LIMA1: variants seen among roughly 807,000 people sequenced by gnomAD.
The protein encoded by LIMA1 is LIM domain and actin binding 1.
Under a neutral mutation model 62.6 loss-of-function variants are expected in LIMA1, and 52 were observed. The observed-to-expected ratio is 0.83, with a 90% CI of 0.67 to 1.05. LIMA1 has a LOEUF of 1.05. LIMA1 is among the 50% of genes least tolerant of loss of function. The pLI is 0.00. For synonymous variants in LIMA1, 302 were observed against 317.8 expected, an observed-to-expected ratio of 0.95 and a Z score of 0.53; for missense variants, 780 against 902.2, an observed-to-expected ratio of 0.86 and a Z score of 1.74.
At chr12:50,240,510 T>C (rs1189364514) in intron 2 of LIMA1, among the ~76,000 whole-genome samples, 1 of 152,060 alleles carries the variant, frequency 6.6e-6, no homozygotes, top group Non-Finnish European at 1.5e-5. Context: ...ATTTGAGATA[T>C]ATTTCGAGAA....
intron 4 of LIMA1, among the ~76,000 whole-genome samples, 157 bp downstream of exon 4, chr12:50,221,864 T>C (rs1000698958): frequency 6.6e-6 from 1 of 152,252 alleles, no homozygotes; most frequent in Non-Finnish European, 1.5e-5. Context: ...TTAGCATCTA[T>C]GTAAATAATG....
intron 2 of LIMA1, 52 bp downstream of exon 2, chr12:50,248,581 G>A: frequency 1.8e-6 from 2 of 1,082,450 alleles, no homozygotes; most frequent in Non-Finnish European, 2.8e-6. Flanking sequence ...CCTGACAGGT[G>A]GCAATGTGTG....
At chr12:50,186,453 T>C (rs1174946413) in intron 9 of LIMA1, 5 of 152,630 alleles carry the variant, frequency 3.3e-5, no homozygotes, top group African/African-American at 1.2e-4. Context: ...TGCTAACTGG[T>C]GGTTTGACTC....
At chr12:50,225,801 C>T (rs1485481099) in intron 3 of LIMA1, among the ~76,000 whole-genome samples, 1 of 152,160 alleles carries the variant, frequency 6.6e-6, no homozygotes, top group Non-Finnish European at 1.5e-5. Context: ...GCCTTGGCCT[C>T]CCAAAGTGCT....
intron 4 of LIMA1, among the ~76,000 whole-genome samples, chr12:50,215,091 G>T (rs2138527720): frequency 6.6e-6 from 1 of 152,264 alleles, no homozygotes; most frequent in East Asian, 1.9e-4. Context: ...ATAAGTACCT[G>T]ATGAACAGAG....
chr12:50,180,523 G>A (rs943241240), intron 10 of LIMA1, among the ~76,000 whole-genome samples: 16 of 152,110 alleles, frequency 1.1e-4, no homozygotes, highest in African/African-American at 3.9e-4. Context: ...GGCTAGTCTT[G>A]AACTTCTGGC....
At chr12:50,206,216 A>C in intron 4 of LIMA1, 148 bp from the exon 5 acceptor site, 1 of 560,678 alleles carries the variant, frequency 1.8e-6, no homozygotes, top group Non-Finnish European at 3.0e-6. Flanking sequence ...TACAAATATC[A>C]AGCACTACAC....
chr12:50,224,013 G>T (rs773290578), intron 3 of LIMA1, among the ~76,000 whole-genome samples: 2 of 151,958 alleles, frequency 1.3e-5, no homozygotes, highest in African/African-American at 4.8e-5. Context: ...ACTCCAGTCC[G>T]GGTGACAGAG....
chr12:50,223,425 GTGAGCCAAGA>G (rs1433618217), intron 3 of LIMA1, among the ~76,000 whole-genome samples: 3 of 151,322 alleles, frequency 2.0e-5, no homozygotes, highest in African/African-American at 7.3e-5. Context: ...GGAGGTTGCA[GTGAGCCAAGA>G]CTGCGCCACT....
intron 4 of LIMA1, among the ~76,000 whole-genome samples, chr12:50,219,276 G>A (rs1328827275): frequency 1.3e-5 from 2 of 152,122 alleles, no homozygotes; most frequent in Non-Finnish European, 2.9e-5. Context: ...CCTGAGGTCA[G>A]GAGTTCAAGA....
chr12:50,232,152 C>T (rs1269539245), intron 2 of LIMA1, among the ~76,000 whole-genome samples: 8 of 150,752 alleles, frequency 5.3e-5, no homozygotes, highest in African/African-American at 1.7e-4. Flanking sequence ...CTTGACCTCC[C>T]GGGCTCAAGC....
At chr12:50,254,046 AAG>A (rs1941963260) in intron 1 of LIMA1, among the ~76,000 whole-genome samples, 1 of 151,070 alleles carries the variant, frequency 6.6e-6, no homozygotes, top group African/African-American at 2.4e-5. Flanking sequence ...AAAAAAAAAA[AAG>A]AAAGGTATAT....
intron 1 of LIMA1, among the ~76,000 whole-genome samples, chr12:50,270,695 G>A (rs1007364267): frequency 2.7e-5 from 4 of 149,166 alleles, no homozygotes; most frequent in African/African-American, 9.8e-5. Context: ...TTATTCATTT[G>A]TGTGAATATC....
chr12:50,247,913 G>A (rs1022431012), intron 2 of LIMA1, among the ~76,000 whole-genome samples: 1 of 152,088 alleles, frequency 6.6e-6, no homozygotes, highest in Admixed American at 6.5e-5. Context: ...ACAGGCATGA[G>A]CCACCGCGCC....
intron 3 of LIMA1, 106 bp downstream of exon 3, chr12:50,231,559 T>A: frequency 1.0e-6 from 1 of 986,876 alleles, no homozygotes; most frequent in Non-Finnish European, 1.6e-6. Flanking sequence ...GGCACAAATG[T>A]CCACTCAGCT....
chr12:50,217,161 A>T (rs1422024946), intron 4 of LIMA1, among the ~76,000 whole-genome samples: 1 of 151,818 alleles, frequency 6.6e-6, no homozygotes, highest in East Asian at 1.9e-4. Flanking sequence ...CCTGACTTAA[A>T]AAGCCAACAT....
chr12:50,263,824 T>TAG (rs1327311714), intron 1 of LIMA1, among the ~76,000 whole-genome samples: 12 of 122,590 alleles, frequency 9.8e-5, no homozygotes, highest in South Asian at 3.0e-4. Context: ...TCTATATATA[T>TAG]ATAGAGAGAG....
chr12:50,227,922 C>T (rs1050734146), intron 3 of LIMA1, among the ~76,000 whole-genome samples: 6 of 150,288 alleles, frequency 4.0e-5, no homozygotes, highest in African/African-American at 1.5e-4. Context: ...TGCAGTGGCG[C>T]GGTCTTGGCT....
intron 4 of LIMA1, among the ~76,000 whole-genome samples, chr12:50,208,906 C>T (rs1941202114): frequency 6.6e-6 from 1 of 151,836 alleles, no homozygotes; most frequent in Non-Finnish European, 1.5e-5. Flanking sequence ...ATGAGTAAGA[C>T]CCTGCTCAAA....
Sources: gnomAD v4.1 joint callset for allele counts (sites outside exome capture counted in the v4.1 genomes callset) on GRCh38, gnomAD v4.1.1 for gene constraint, MANE v1.5 for transcripts, NCBI Gene and HGNC (gene_info 2026-07-23, HGNC 2026-07-21) for gene names.